ZNF536: variants seen among roughly 807,000 people sequenced by gnomAD.
The protein encoded by ZNF536 is zinc finger protein 536.
ZNF536 carries 13 observed loss-of-function variants against 84.5 expected under a neutral mutation model. That is an observed-to-expected ratio of 0.15 (90% CI 0.10 to 0.24). The LOEUF (loss-of-function observed/expected upper bound fraction) is 0.24, where lower values mean the gene tolerates loss of function less well. Among genes scored for constraint, ZNF536 ranks in the 10% least tolerant of loss-of-function variants. ZNF536 has a pLI of 1.00. For missense variants in ZNF536, 1,536 were observed against 1,747.5 expected (o/e 0.88, Z 2.16); for synonymous variants, 811 against 742.5 (o/e 1.09, Z -1.50).
chr19:30,330,447 G>T (rs73018883), intron 2 of ZNF536, among the ~76,000 whole-genome samples: 5,647 of 152,232 alleles, frequency 0.037, 136 homozygotes, highest in Non-Finnish European at 0.054. Flanking sequence ...GGCTGCAGGG[G>T]GCATTGGAGG....
chr19:30,547,287 G>A (rs2045594052), intron 3 of ZNF536, among the ~76,000 whole-genome samples: 1 of 152,122 alleles, frequency 6.6e-6, no homozygotes, highest in Non-Finnish European at 1.5e-5. Context: ...ATAATGCACT[G>A]TAATGGTATT....
At chr19:30,246,095 C>G (rs2024256306) in intron 1 of ZNF536, among the ~76,000 whole-genome samples, 1 of 152,138 alleles carries the variant, frequency 6.6e-6, no homozygotes, top group Non-Finnish European at 1.5e-5. Flanking sequence ...GCTCATCTGA[C>G]TGATGAGTGA....
upstream of ZNF536, among the ~76,000 whole-genome samples, chr19:30,369,537 G>A (rs960490128): frequency 1.0e-4 from 6 of 57,764 alleles, no homozygotes; most frequent in Non-Finnish European, 2.2e-4. Flanking sequence ...CTGTCCCGGG[G>A]TGTGGTTTTT....
At chr19:30,573,428 TG>T (rs1406962702) in intron 1 of ZNF536, among the ~76,000 whole-genome samples, 5 of 152,226 alleles carry the variant, frequency 3.3e-5, no homozygotes, top group Admixed American at 2.6e-4. Context: ...CTTTTGAGGC[TG>T]ACCAGTTGTA....
At chr19:30,526,377 C>T (rs186709686) in intron 2 of ZNF536, among the ~76,000 whole-genome samples, 4 of 152,316 alleles carry the variant, frequency 2.6e-5, no homozygotes, top group East Asian at 3.9e-4. Flanking sequence ...GCAGAGACCC[C>T]ATGGGTGGCC....
At chr19:30,570,308 G>A (rs547714022) in intron 1 of ZNF536, among the ~76,000 whole-genome samples, 12 of 152,232 alleles carry the variant, frequency 7.9e-5, no homozygotes, top group Non-Finnish European at 1.5e-4. Flanking sequence ...GTAAGAAGCC[G>A]GGTGGGCTGG....
At chr19:30,334,595 C>T (rs1029692862) in intron 2 of ZNF536, among the ~76,000 whole-genome samples, 3 of 152,262 alleles carry the variant, frequency 2.0e-5, no homozygotes, top group South Asian at 2.1e-4. Flanking sequence ...AATACTGGCC[C>T]GTTCCCCTTT....
At chr19:30,699,625 G>A (rs1207904985) in intron 1 of ZNF536, among the ~76,000 whole-genome samples, 1 of 152,012 alleles carries the variant, frequency 6.6e-6, no homozygotes, top group African/African-American at 2.4e-5. Context: ...TAAACTATAT[G>A]TGCAACTGAG....
In ZNF536 at chr19:30,431,928, G is replaced by A. The variant is rs192402573; in HGVS notation, c.-2-11633G>A. ...AGAGGAGAGTAATCAATACACTCCT[G>A]ACAACTGCTGGTATCTTTTTCAGTT... On this transcript the variant is annotated intron_variant, in intron 1 of 4. Transcript: ENST00000355537. 3.3e-5 allele frequency among the ~76,000 whole-genome samples: 5 copies of A among 152,064 alleles called. No homozygotes were observed. The East Asian group carries it at 7.8e-4, about 24-fold the overall frequency.
At chr19:30,701,174 T>C (rs989203530) in intron 1 of ZNF536, among the ~76,000 whole-genome samples, 6 of 150,508 alleles carry the variant, frequency 4.0e-5, no homozygotes, top group African/African-American at 7.4e-5. Context: ...ATCTGGTGCA[T>C]GTGCTATATC....
At chr19:30,434,412 T>A (rs184551561) in intron 1 of ZNF536, among the ~76,000 whole-genome samples, 1 of 152,304 alleles carries the variant, frequency 6.6e-6, no homozygotes, top group Admixed American at 6.5e-5. Context: ...TGCCCATGGC[T>A]GTGGCTTCCT....
chr19:30,627,698 A>G (rs1398593040), intron 1 of ZNF536, among the ~76,000 whole-genome samples: 1 of 152,110 alleles, frequency 6.6e-6, no homozygotes, highest in East Asian at 1.9e-4. Context: ...GAAGGCTCTC[A>G]TATTCTATGA....
intron 1 of ZNF536, among the ~76,000 whole-genome samples, chr19:30,681,410 C>T (rs1268996266): frequency 6.6e-6 from 1 of 152,138 alleles, no homozygotes; most frequent in South Asian, 2.1e-4. Context: ...TCACAGGGGG[C>T]TTCCTGGAGG....
chr19:30,273,726 G>A (rs2025976610), intron 1 of ZNF536, among the ~76,000 whole-genome samples: 1 of 152,128 alleles, frequency 6.6e-6, no homozygotes, highest in Admixed American at 6.5e-5. Context: ...CTTAACACTT[G>A]TGGAAACTAA....
At chr19:30,685,193 C>T (rs1600259613) in intron 1 of ZNF536, among the ~76,000 whole-genome samples, 3 of 152,104 alleles carry the variant, frequency 2.0e-5, no homozygotes, top group African/African-American at 4.8e-5. Context: ...CCATCTGAGC[C>T]CTTGGGGTCT....
intron 2 of ZNF536, among the ~76,000 whole-genome samples, chr19:30,307,556 C>A (rs1429794143): frequency 6.6e-6 from 1 of 152,052 alleles, no homozygotes; most frequent in Non-Finnish European, 1.5e-5. Flanking sequence ...TCCTGGTCTG[C>A]CACATTCACC....
chr19:30,645,407 C>T (rs1384071806), intron 1 of ZNF536, among the ~76,000 whole-genome samples: 1 of 152,096 alleles, frequency 6.6e-6, no homozygotes, highest in Non-Finnish European at 1.5e-5. Flanking sequence ...CTTTTGCTGC[C>T]ATTGCTTTTG....
intron 1 of ZNF536, among the ~76,000 whole-genome samples, chr19:30,685,579 C>G (rs2051144931): frequency 6.6e-6 from 1 of 152,134 alleles, no homozygotes; most frequent in South Asian, 2.1e-4. Context: ...AGGGAACACA[C>G]TCTGTAGCCA....
intron 2 of ZNF536, among the ~76,000 whole-genome samples, chr19:30,450,353 G>C (rs778233685): frequency 9.9e-5 from 15 of 152,148 alleles, no homozygotes; most frequent in Non-Finnish European, 1.8e-4. Flanking sequence ...CTGCAGAGCC[G>C]AAGACAGTCA....
Sources: allele counts gnomAD v4.1 joint callset (sites outside exome capture counted in the v4.1 genomes callset), GRCh38; gene constraint gnomAD v4.1.1; transcripts MANE v1.5; gene names NCBI Gene and HGNC (gene_info 2026-07-23, HGNC 2026-07-21).